Variants in PLEKHA4 observed in about 807,000 individuals in gnomAD.
The protein encoded by PLEKHA4 is pleckstrin homology domain-containing family A member 4.
A neutral mutation model predicts 94.7 loss-of-function variants in PLEKHA4; 73 were observed. The ratio of observed to expected loss-of-function variants is 0.77; its 90% CI spans 0.64 to 0.94. PLEKHA4 has a LOEUF of 0.94. Among genes scored for constraint, PLEKHA4 ranks in the 40% least tolerant of loss-of-function variants. The pLI, the probability that PLEKHA4 is intolerant of heterozygous loss-of-function variation, is 0.00. For missense variants in PLEKHA4, 1,049 were observed against 1,054.1 expected, an observed-to-expected ratio of 1.00 and a Z score of 0.07; for synonymous variants, 449 against 437.1, an observed-to-expected ratio of 1.03 and a Z score of -0.34.
intron 3 of PLEKHA4, among the ~76,000 whole-genome samples, chr19:48,862,654 C>T (rs1185726027): frequency 3.3e-5 from 5 of 151,928 alleles, no homozygotes; most frequent in Non-Finnish European, 7.4e-5. Flanking sequence ...GACTACAGGC[C>T]CCCCGCCACC....
chr19:48,837,967 C>T lies in PLEKHA4; in HGVS notation c.2077+50G>A. The T allele has an allele frequency of 1.4e-6, 2 of 1,470,290 alleles. No homozygotes were observed. 91.1% of individuals were successfully genotyped at this position (1,470,290 alleles called of 1,614,324 possible). On this transcript the variant is annotated intron_variant, in intron 19 of 19. Coordinates refer to ENST00000263265, the MANE Select transcript of PLEKHA4 (RefSeq NM_020904.3). This position sits in a 1 kb window ranked among gnomAD's most constrained non-coding sequence, Gnocchi z 4.3. ...TCCAGGACCTGGGATTCCAGGTCTC[C>T]AGCTCTCTCCTCCCTAAAACCCAGA...
At chr19:48,856,647 G>A (rs1323196516) in intron 9 of PLEKHA4, among the ~76,000 whole-genome samples, 1 of 152,050 alleles carries the variant, frequency 6.6e-6, no homozygotes, top group Non-Finnish European at 1.5e-5. Flanking sequence ...GAACCAGGGA[G>A]GCGAAGGTTG....
chr19:48,857,476 A>C lies in PLEKHA4; in HGVS notation c.993T>G (p.Thr331=). The C allele has an allele frequency of 1.9e-6, 3 of 1,562,840 alleles. No homozygotes were observed. The highest frequency in any genetic ancestry group is 2.6e-6 in the Non-Finnish European group (3 of 1,154,714). Residue 331 remains threonine (T), a synonymous_variant, in exon 9 of 20, where the codon ACT becomes ACG. Coordinates refer to ENST00000263265, the MANE Select transcript of PLEKHA4 (RefSeq NM_020904.3). The part of the protein sequence containing the change: ...PRTQAHSGSP[T]YLQLPPRPPG... ...GGGGCCGCGGGGGGAGCTGGAGATAAGTGGGGGAGCCAGAGTGTGCCTGGG... is the reference window on the plus strand; with the variant it reads ...GGGGCCGCGGGGGGAGCTGGAGATACGTGGGGGAGCCAGAGTGTGCCTGGG...
chr19:48,839,703 CT>C (rs1484675094), intron 17 of PLEKHA4, among the ~76,000 whole-genome samples: 1 of 151,862 alleles, frequency 6.6e-6, no homozygotes, highest in African/African-American at 2.4e-5. Context: ...CACCCAGTGA[CT>C]GACAATGTTT....
chr19:48,861,430 C>T lies in PLEKHA4; in HGVS notation c.337G>A (p.Ala113Thr). The change falls in exon 5 of 20, where the codon GCC (alanine) becomes ACC (threonine). Residue 113 changes from alanine (A) to threonine (T), a missense_variant. Transcript: ENST00000263265. ...SYNIRPDGPG[A>T]PRGRRFTFTA... is the part of the protein sequence containing the mutation. The stretch of plus-strand genomic sequence containing the variant: ...AAGGTGAAGCGCCGCCCTCGGGGGG[C>T]TCCCGGCCCATCTGGTCTAATATTG... 1 of 1,613,956 alleles carries T rather than the reference C, an allele frequency of 6.2e-7. No individual in the cohort carries two copies. The highest frequency in any genetic ancestry group is 1.3e-5 in the African/African-American group (1 of 75,044).
At chr19:48,845,950 G>C (rs1028939051) in intron 14 of PLEKHA4, among the ~76,000 whole-genome samples, 1 of 149,054 alleles carries the variant, frequency 6.7e-6, no homozygotes, top group African/African-American at 2.5e-5. Context: ...GTTGGAGGTT[G>C]CAGTGAGCCG....
Position 48,838,120 on chromosome 19 carries a change from G to A in PLEKHA4, c.1974C>T (p.Asn658=), listed in dbSNP as rs2035610623. The A allele has an allele frequency of 3.8e-6, 6 of 1,589,982 alleles. No individual in the cohort carries two copies. The highest frequency in any genetic ancestry group is 4.3e-6 in the Non-Finnish European group (5 of 1,164,350). ...CGGAAGTCGGCAAGTAAGGGGTGGTGTTCCTTGGACTAGAAAAAAAAAGAA... is the reference window on the plus strand; with the variant it reads ...CGGAAGTCGGCAAGTAAGGGGTGGTATTCCTTGGACTAGAAAAAAAAAGAA... The part of the protein sequence containing the change: ...RSSGSWSSPR[N]TTPYLPTSEG... Residue 658 remains asparagine (N), a synonymous_variant, in exon 19 of 20, where the codon AAC becomes AAT. Transcript: ENST00000263265.
intron 13 of PLEKHA4, among the ~76,000 whole-genome samples, chr19:48,851,900 C>T (rs1399837117): frequency 2.0e-5 from 3 of 151,884 alleles, no homozygotes; most frequent in Admixed American, 6.6e-5. Context: ...GCCAAGATTG[C>T]GCTACTGCAC....
chr19:48,839,179 C>G, intron 18 of PLEKHA4, 26 bp downstream of exon 18: 2 of 1,537,776 alleles, frequency 1.3e-6, no homozygotes, highest in Non-Finnish European at 1.8e-6. Context: ...TTTCCTGCTC[C>G]CTTGATACGC....
intron 9 of PLEKHA4, among the ~76,000 whole-genome samples, chr19:48,855,852 A>T (rs2036384729): frequency 6.6e-6 from 1 of 151,830 alleles, no homozygotes; most frequent in African/African-American, 2.4e-5. Context: ...AACATGGCAA[A>T]ACCCTGTCTC....
At position 48,847,920 on chromosome 19, in the gene PLEKHA4, CG is replaced by C. The variant is rs1227207988; in HGVS notation, c.1545del (p.Glu516ArgfsTer15). ...CTTACCTCCCTCTCTGAGGACTCCT[CG>C]CCCTGGAGCACGGGAGATGGGGAGT... is the stretch of plus-strand genomic sequence containing the variant. ...EPDSPSPVLQGEESSERESLP... is the reference protein window; with the variant it reads ...EPDSPSPVLQXEESSERESLP... On this transcript the variant is annotated frameshift_variant, in exon 14 of 20. Coordinates refer to ENST00000263265, the MANE Select transcript of PLEKHA4 (RefSeq NM_020904.3). LOFTEE classifies it high-confidence loss of function. 6.3e-7 allele frequency: 1 copy of C among 1,586,190 alleles called. No individual in the cohort carries two copies. Among genetic ancestry groups the C allele is most frequent in the South Asian group, 1.1e-5 (1 of 86,962 alleles).
Position 48,859,471 on chromosome 19 carries a change from G to C in PLEKHA4, c.690C>G (p.Pro230=), listed in dbSNP as rs375107307. The stretch of plus-strand genomic sequence containing the variant: ...ACAACCATGTCCTCCCTACTCACTC[G>C]GGGCTCCTCGCCCTCCGCATCTGGA... ...SGLQMRRARS[P]DLFTPLSRPP... is the part of the protein sequence containing the mutation. The change falls in exon 7 of 20, where the codon CCC becomes CCG. Residue 230 remains proline, a splice_region_variant and synonymous_variant. Coordinates refer to ENST00000263265, the MANE Select transcript of PLEKHA4 (RefSeq NM_020904.3). The C allele has an allele frequency of 6.2e-6, 10 of 1,613,480 alleles. No homozygotes were observed. The East Asian group carries it at 8.9e-5, about 14-fold the overall frequency.
chr19:48,839,883 G>C (rs2035686110), intron 17 of PLEKHA4, among the ~76,000 whole-genome samples: 1 of 151,670 alleles, frequency 6.6e-6, no homozygotes, highest in African/African-American at 2.4e-5. Flanking sequence ...CAGATCACTT[G>C]AGGTCAGGAG....
At chr19:48,860,306 A>C (rs1318242467) in intron 6 of PLEKHA4, 44 bp downstream of exon 6, 1 of 1,527,704 alleles carries the variant, frequency 6.5e-7, no homozygotes, top group Non-Finnish European at 9.1e-7. Context: ...GACGAGACTG[A>C]CTCAGGGTGG....
chr19:48,840,582 T>C (rs545606765), intron 17 of PLEKHA4, among the ~76,000 whole-genome samples: 1 of 152,046 alleles, frequency 6.6e-6, no homozygotes, highest in Admixed American at 6.6e-5. Flanking sequence ...TGTGCTACCA[T>C]GCCCAGCTAA....
chr19:48,853,459 A>G (rs1423403569), intron 12 of PLEKHA4, among the ~76,000 whole-genome samples: 1 of 151,706 alleles, frequency 6.6e-6, no homozygotes, highest in Non-Finnish European at 1.5e-5. Flanking sequence ...AGATGGCACC[A>G]CTGTACTCCA....
Position 48,854,246 on chromosome 19 carries a change from A to G in PLEKHA4, c.1066T>C (p.Ser356Pro). The G allele has an allele frequency of 6.2e-7, 1 of 1,614,010 alleles. No individual in the cohort carries two copies. The highest frequency in any genetic ancestry group is 8.5e-7 in the Non-Finnish European group (1 of 1,179,962). The change falls in exon 10 of 20, where the codon TCA (serine) becomes CCA (proline). Residue 356 changes from serine to proline, a missense_variant. By Grantham distance (74) the Ser-to-Pro change is moderately conservative. Transcript: ENST00000263265. ...GTCTCCAAGCTTTGGTGGAAAGTTG[A>G]CTCCAGGGGAGGACCCGGCTGAAGA... ...MVLLPGPPLE[S>P]TFHQSLETDT...
At chr19:48,858,519 C>A (rs1050686810) in intron 8 of PLEKHA4, among the ~76,000 whole-genome samples, 2 of 150,466 alleles carry the variant, frequency 1.3e-5, no homozygotes, top group South Asian at 4.2e-4. Flanking sequence ...CCTAGCTACT[C>A]GGGAGGCTGA....
chr19:48,837,903 C>G lies in PLEKHA4; in HGVS notation c.2077+114G>C, dbSNP rs922408142. 1 of 863,526 alleles carries G rather than the reference C, an allele frequency of 1.2e-6. No individual in the cohort carries two copies. Among genetic ancestry groups the G allele is most frequent in the Non-Finnish European group, 1.8e-6 (1 of 540,924 alleles). 53.5% of individuals were successfully genotyped at this position (863,526 alleles called of 1,614,324 possible). On this transcript the variant is annotated intron_variant, in intron 19 of 19. Transcript: ENST00000263265. The surrounding 1 kb of genome is among the most constrained non-coding windows in gnomAD (Gnocchi z 4.3). The stretch of plus-strand genomic sequence containing the variant: ...AAACCCTGCCCAACTCTTTACTCAC[C>G]AAGATAAAAAATTCTCACCGGCCCC...
Sources: allele counts gnomAD v4.1 joint callset (sites outside exome capture counted in the v4.1 genomes callset), GRCh38; gene constraint gnomAD v4.1.1; non-coding constraint Gnocchi (gnomAD v3.1); transcripts MANE v1.5; gene names NCBI Gene and HGNC (gene_info 2026-07-23, HGNC 2026-07-21).